MAP3K5: variants seen among roughly 807,000 people sequenced by gnomAD.
The protein encoded by MAP3K5 is mitogen-activated protein kinase kinase kinase 5, also known as ASK-1.
Under a neutral mutation model 158.7 loss-of-function variants are expected in MAP3K5, and 56 were observed. The observed-to-expected ratio is 0.35, with a 90% CI of 0.28 to 0.44. The LOEUF is 0.44. Among genes scored for constraint, MAP3K5 ranks in the 20% least tolerant of loss-of-function variants. The pLI is 1.00. For synonymous variants in MAP3K5, 579 were observed against 601.7 expected, an observed-to-expected ratio of 0.96 and a Z score of 0.55; for missense variants, 1,294 against 1,674.8, an observed-to-expected ratio of 0.77 and a Z score of 3.97.
intron 3 of MAP3K5, among the ~76,000 whole-genome samples, chr6:136,700,228 T>C (rs974980904): frequency 1.3e-5 from 2 of 152,158 alleles, no homozygotes; most frequent in Non-Finnish European, 2.9e-5. Flanking sequence ...CTGTGCATTT[T>C]GGCAGCCTGG....
intron 1 of MAP3K5, among the ~76,000 whole-genome samples, chr6:136,770,557 G>A: frequency 6.6e-6 from 1 of 152,100 alleles, no homozygotes; most frequent in Admixed American, 6.5e-5. Flanking sequence ...CAAAATGGAG[G>A]TAAGAGTCAA....
chr6:136,586,100 G>A (rs949850461), intron 23 of MAP3K5, among the ~76,000 whole-genome samples: 2 of 152,166 alleles, frequency 1.3e-5, no homozygotes, highest in East Asian at 1.9e-4. Flanking sequence ...ATATTGAAAA[G>A]CTTGAAAGCT....
At chr6:136,626,874 AT>A (rs201191934) in intron 14 of MAP3K5, among the ~76,000 whole-genome samples, 4 of 151,940 alleles carry the variant, frequency 2.6e-5, no homozygotes, top group Non-Finnish European at 2.9e-5. Flanking sequence ...ATGATCAGAA[AT>A]TTTTTTTTCC....
At chr6:136,698,400 T>C (rs1325559216) in intron 4 of MAP3K5, 89 bp downstream of exon 4, 1 of 1,092,410 alleles carries the variant, frequency 9.2e-7, no homozygotes, top group Non-Finnish European at 1.3e-6. Context: ...TATACTGATA[T>C]CTCAGGAGCA....
chr6:136,753,839 G>A (rs1783331376), intron 1 of MAP3K5, among the ~76,000 whole-genome samples: 1 of 152,202 alleles, frequency 6.6e-6, no homozygotes, highest in Non-Finnish European at 1.5e-5. Context: ...TTCAGCACAA[G>A]GAGAACAGCA....
At position 136,592,452 on chromosome 6, in the gene MAP3K5, C is replaced by T. The variant is rs754104930; in HGVS notation, c.3041G>A (p.Arg1014Gln). 2.9e-5 allele frequency: 47 copies of T among 1,613,772 alleles called. 1 individual carries two copies. Among genetic ancestry groups the T allele is most frequent in the South Asian group, 6.6e-5 (6 of 91,036 alleles). ...SCGERDVKGIRTLFLGIPDEN... is the reference protein window; with the variant it reads ...SCGERDVKGIQTLFLGIPDEN... ...AGGTCTTTACCCCAAAAAGAGTGTC[C>T]GAATTCCCTTGACATCTCTTTCTCC... The change falls in exon 22 of 30, where the codon CGG (arginine) becomes CAG (glutamine). Residue 1014 changes from arginine to glutamine, a missense_variant. Transcript: ENST00000359015.
At chr6:136,707,987 T>C (rs551726045) in intron 2 of MAP3K5, among the ~76,000 whole-genome samples, 1 of 152,356 alleles carries the variant, frequency 6.6e-6, no homozygotes, top group African/African-American at 2.4e-5. Flanking sequence ...CTGCTATTTA[T>C]GTATAAAAGA....
chr6:136,698,766 A>G (rs1780720280), intron 3 of MAP3K5, 84 bp from the exon 4 acceptor site: 2 of 879,444 alleles, frequency 2.3e-6, no homozygotes, highest in East Asian at 2.6e-5. Context: ...CTCATTTTAA[A>G]TAATTCCAAA....
intron 9 of MAP3K5, among the ~76,000 whole-genome samples, chr6:136,657,385 T>C (rs1583358775): frequency 6.6e-6 from 1 of 152,204 alleles, no homozygotes; most frequent in Non-Finnish European, 1.5e-5. Flanking sequence ...TGGCTGCGAG[T>C]ACCATTGCAT....
intron 1 of MAP3K5, among the ~76,000 whole-genome samples, chr6:136,745,847 C>T (rs1231936822): frequency 1.3e-5 from 2 of 152,082 alleles, no homozygotes; most frequent in African/African-American, 4.8e-5. Flanking sequence ...TAGATAATTC[C>T]GAGGAGAGTT....
chr6:136,623,982 TCAGGAGTTTGAGAC>T (rs1332975662), intron 14 of MAP3K5, among the ~76,000 whole-genome samples: 1 of 152,118 alleles, frequency 6.6e-6, no homozygotes, highest in African/African-American at 2.4e-5. Flanking sequence ...TCACCTGAGG[TCAGGAGTTTGAGAC>T]CAGCCTAGCC....
chr6:136,726,088 G>A (rs1781952282), intron 1 of MAP3K5, among the ~76,000 whole-genome samples: 2 of 152,144 alleles, frequency 1.3e-5, no homozygotes, highest in Non-Finnish European at 2.9e-5. Context: ...AAATCAGGTA[G>A]GTCAACTCTA....
At chr6:136,761,943 G>A (rs985598881) in intron 1 of MAP3K5, among the ~76,000 whole-genome samples, 2 of 152,168 alleles carry the variant, frequency 1.3e-5, no homozygotes, top group African/African-American at 2.4e-5. Context: ...CATTTGGGGA[G>A]GACTGGGCAT....
At chr6:136,561,751 A>G (rs1479707596) in intron 27 of MAP3K5, 106 bp from the exon 28 acceptor site, 9 of 646,358 alleles carry the variant, frequency 1.4e-5, no homozygotes, top group Non-Finnish European at 2.5e-5. Flanking sequence ...ATTTTGCTCT[A>G]TCAGAGAACA....
At chr6:136,581,203 T>C (rs967344749) in intron 24 of MAP3K5, among the ~76,000 whole-genome samples, 1 of 152,232 alleles carries the variant, frequency 6.6e-6, no homozygotes, top group African/African-American at 2.4e-5. Context: ...TTCACATAAG[T>C]GGAATTACAG....
chr6:136,571,772 A>G (rs956785998), intron 25 of MAP3K5, among the ~76,000 whole-genome samples: 1 of 152,232 alleles, frequency 6.6e-6, no homozygotes, highest in Non-Finnish European at 1.5e-5. Context: ...TACACCCAGA[A>G]GAGAAATTGC....
chr6:136,645,424 G>A (rs1456023431), intron 11 of MAP3K5, among the ~76,000 whole-genome samples: 1 of 152,112 alleles, frequency 6.6e-6, no homozygotes, highest in Non-Finnish European at 1.5e-5. Context: ...AAGTGAGGGA[G>A]GAGAGTCAGC....
intron 7 of MAP3K5, among the ~76,000 whole-genome samples, chr6:136,690,662 C>T (rs1780346466): frequency 6.6e-6 from 1 of 152,012 alleles, no homozygotes; most frequent in Non-Finnish European, 1.5e-5. Context: ...ATTTTTTAAT[C>T]TCTTTTTCTT....
At chr6:136,690,216 T>C (rs1022807181) in intron 7 of MAP3K5, among the ~76,000 whole-genome samples, 2 of 152,250 alleles carry the variant, frequency 1.3e-5, no homozygotes, top group African/African-American at 4.8e-5. Flanking sequence ...CGTGCATCTA[T>C]ACTTATACTA....
Sources: allele counts gnomAD v4.1 joint callset (sites outside exome capture counted in the v4.1 genomes callset), GRCh38; gene constraint gnomAD v4.1.1; transcripts MANE v1.5; gene names NCBI Gene and HGNC (gene_info 2026-07-23, HGNC 2026-07-21).